The following NFIX variants were observed in gnomAD, a reference collection of about 807,000 sequenced individuals.
NFIX encodes the protein nuclear factor I X.
NFIX carries 2 observed loss-of-function variants against 53.3 expected under a neutral mutation model. The observed-to-expected ratio is 0.04, with a 90% CI of 0.02 to 0.12. NFIX has a LOEUF of 0.12. NFIX is among the 10% of genes least tolerant of loss of function. NFIX has a pLI of 1.00. For synonymous variants in NFIX, 244 were observed against 289.0 expected (o/e 0.84, Z 1.58); for missense variants, 310 against 674.5 (o/e 0.46, Z 5.99).
rs115503426 is a variant in NFIX, at chr19:13,023,028, C to T, written c.28-1993C>T. Reference sequence around the variant, plus strand: ...CCCTTGGACGCAGCCATTGGCTGCTCGTGGATGTCTCTTTGCCAAATAGGT... The same window carrying T: ...CCCTTGGACGCAGCCATTGGCTGCTTGTGGATGTCTCTTTGCCAAATAGGT... On this transcript the variant is annotated intron_variant, in intron 1 of 10. Transcript: ENST00000592199. Among the ~76,000 whole-genome samples, 454 of 150,142 alleles carry T rather than the reference C, an allele frequency of 3.0e-3. 1 individual carries two copies. The highest frequency in any genetic ancestry group is 0.011 in the African/African-American group (437 of 40,136).
intron 1 of NFIX, among the ~76,000 whole-genome samples, chr19:13,019,469 A>G (rs937219436): frequency 1.3e-5 from 2 of 151,420 alleles, no homozygotes; most frequent in African/African-American, 2.4e-5. Flanking sequence ...CTGTCTTCTT[A>G]TTTTTCTTCC....
chr19:13,091,981 A>G (rs2018170409), intron 10 of NFIX, among the ~76,000 whole-genome samples: 1 of 152,098 alleles, frequency 6.6e-6, no homozygotes, highest in Non-Finnish European at 1.5e-5. Flanking sequence ...AGGCTCCAGG[A>G]GGTAGGAGGA....
intron 6 of NFIX, among the ~76,000 whole-genome samples, chr19:13,077,793 C>A (rs2017200082): frequency 6.6e-6 from 1 of 152,176 alleles, no homozygotes; most frequent in South Asian, 2.1e-4. Flanking sequence ...CCTGGGGGCC[C>A]TGCTTTGTCA....
chr19:13,004,241 C>T (rs138172440), intron 1 of NFIX, among the ~76,000 whole-genome samples: 1 of 152,052 alleles, frequency 6.6e-6, no homozygotes, highest in Non-Finnish European at 1.5e-5. Context: ...CATGCATCCC[C>T]AGATACACAG....
chr19:13,064,674 A>G (rs191795681), intron 2 of NFIX, among the ~76,000 whole-genome samples: 2 of 152,314 alleles, frequency 1.3e-5, no homozygotes, highest in African/African-American at 4.8e-5. Context: ...TCAAGACACC[A>G]AAAACTGCAA....
At chr19:13,075,471 T>A (rs2145441962) in intron 5 of NFIX, 64 bp from the exon 6 acceptor site, 2 of 1,579,472 alleles carry the variant, frequency 1.3e-6, no homozygotes, top group Non-Finnish European at 1.7e-6. Context: ...TAGCCTGGAC[T>A]CTTGGTCACT....
intron 1 of NFIX, among the ~76,000 whole-genome samples, chr19:13,008,951 G>A (rs1005667692): frequency 2.6e-5 from 4 of 152,220 alleles, no homozygotes; most frequent in African/African-American, 9.6e-5. Context: ...GTTCCAGAGA[G>A]CCTCCCCATC....
chr19:13,081,573 C>T lies in NFIX; in HGVS notation c.1079-107C>T, dbSNP rs2017467440. The T allele has an allele frequency of 5.9e-6, 7 of 1,195,840 alleles. 1 individual carries two copies. In the South Asian group the frequency reaches 7.7e-5, roughly 13 times the overall value. The allele number at this position is 1,195,840 out of a possible 1,614,324, so 74.1% of individuals were successfully genotyped here. A position where few individuals can be genotyped will look rare whatever the true frequency, so the allele number is the denominator to read the frequency against. ...GCCTGTGGCGGCTGCCTTACCTGCTCAGGATCCTCAGGACCCTCTGACCGG... is the reference window on the plus strand; with the variant it reads ...GCCTGTGGCGGCTGCCTTACCTGCTTAGGATCCTCAGGACCCTCTGACCGG... On this transcript the variant is annotated intron_variant, in intron 7 of 10. Transcript: ENST00000592199. This position sits in a 1 kb window ranked among gnomAD's most constrained non-coding sequence, Gnocchi z 4.7.
chr19:13,022,802 C>T lies in NFIX; in HGVS notation c.28-2219C>T, dbSNP rs2013015695. ...TTTCGAGTCTTCCACAATCCCAGTC[C>T]CCCCCAATGCCCCACCCCACCCCCA... On this transcript the variant is annotated intron_variant, in intron 1 of 10. Coordinates refer to ENST00000592199, the MANE Select transcript of NFIX (RefSeq NM_001365902.3). This position sits in a 1 kb window ranked among gnomAD's most constrained non-coding sequence, Gnocchi z 4.5. 6.6e-6 allele frequency among the ~76,000 whole-genome samples: 1 copy of T among 152,020 alleles called. No homozygotes were observed. Among genetic ancestry groups the T allele is most frequent in the East Asian group, 1.9e-4 (1 of 5,182 alleles).
intron 2 of NFIX, among the ~76,000 whole-genome samples, chr19:13,057,465 C>A (rs566953744): frequency 2.0e-5 from 3 of 152,216 alleles, no homozygotes; most frequent in Non-Finnish European, 4.4e-5. Flanking sequence ...AGGAGCCCTA[C>A]GAGCTGCAGA....
chr19:13,076,009 T>G (rs139373304), intron 6 of NFIX, among the ~76,000 whole-genome samples: 1 of 152,252 alleles, frequency 6.6e-6, no homozygotes, highest in East Asian at 1.9e-4. Context: ...GCCTCATGGT[T>G]GAAAGCAGTT....
Position 13,022,416 on chromosome 19 carries a change from A to G in NFIX, c.28-2605A>G, listed in dbSNP as rs2012989568. Reference sequence around the variant, plus strand: ...CTGAGAGTGCTCCTTCAGCAGCCAGACCTGGGGGCATCACAAGGTGGCAGT... The same window carrying G: ...CTGAGAGTGCTCCTTCAGCAGCCAGGCCTGGGGGCATCACAAGGTGGCAGT... On this transcript the variant is annotated intron_variant, in intron 1 of 10. Coordinates refer to ENST00000592199, the MANE Select transcript of NFIX (RefSeq NM_001365902.3). This position sits in a 1 kb window ranked among gnomAD's most constrained non-coding sequence, Gnocchi z 4.5. Among the ~76,000 whole-genome samples the G allele has an allele frequency of 6.6e-6, 1 of 151,956 alleles. No individual in the cohort carries two copies. Among genetic ancestry groups the G allele is most frequent in the African/African-American group, 2.4e-5 (1 of 41,362 alleles).
In NFIX at chr19:13,025,215, G is replaced by C. The variant is rs541802079; in HGVS notation, c.222G>C (p.Arg74=). 1.9e-5 allele frequency: 30 copies of C among 1,614,208 alleles called. No homozygotes were observed. In the East Asian group the frequency reaches 6.7e-4, roughly 36 times the overall value. The change falls in exon 2 of 11, where the codon CGG becomes CGC. Residue 74 remains arginine, a synonymous_variant. Coordinates refer to ENST00000592199, the MANE Select transcript of NFIX (RefSeq NM_001365902.3). This position sits in a 1 kb window ranked among gnomAD's most constrained non-coding sequence, Gnocchi z 7.5. ...AGATCAAGCAGAAGTGGGCATCCCG[G>C]CTGCTGGCCAAGCTGCGCAAGGACA... is the stretch of plus-strand genomic sequence containing the variant. ...KPEIKQKWAS[R]LLAKLRKDIR...
rs181364769 is a variant in NFIX, at chr19:13,023,060, T to G, written c.28-1961T>G. 7.2e-5 allele frequency among the ~76,000 whole-genome samples: 3 copies of G among 41,488 alleles called. No individual in the cohort carries two copies. The East Asian group carries it at 2.2e-3, about 31-fold the overall frequency. 27.2% of individuals were successfully genotyped at this position (41,488 alleles called of 152,430 possible). On this transcript the variant is annotated intron_variant, in intron 1 of 10. Transcript: ENST00000592199. ...GTCTCTTTGCCAAATAGGTGGATCC[T>G]TCTCTCTCTTTCTCTCTCTCTCTCT...
chr19:13,024,509 A>T, intron 1 of NFIX: 1 of 1,510,238 alleles, frequency 6.6e-7, no homozygotes. Flanking sequence ...GGGGGCGGCC[A>T]AAAATCGACC....
At chr19:13,057,304 G>C (rs1397901223) in intron 2 of NFIX, among the ~76,000 whole-genome samples, 3 of 152,248 alleles carry the variant, frequency 2.0e-5, no homozygotes, top group Admixed American at 6.5e-5. Flanking sequence ...CTTGGAGGGA[G>C]GGAAGCAGGC....
At chr19:13,007,960 G>T (rs2012119979) in intron 1 of NFIX, among the ~76,000 whole-genome samples, 1 of 152,146 alleles carries the variant, frequency 6.6e-6, no homozygotes, top group African/African-American at 2.4e-5. Context: ...ACATAGGCCT[G>T]TGCCTACAGA....
chr19:13,030,474 G>A (rs1005434734), intron 2 of NFIX, among the ~76,000 whole-genome samples: 2 of 152,118 alleles, frequency 1.3e-5, no homozygotes, highest in East Asian at 3.8e-4. Flanking sequence ...TTTCTCTTAA[G>A]GGATGACCCA....
rs1168757844 is a variant in NFIX, at chr19:13,078,130, C to T, written c.956-483C>T. On this transcript the variant is annotated intron_variant, in intron 6 of 10. Coordinates refer to ENST00000592199, the MANE Select transcript of NFIX (RefSeq NM_001365902.3). The surrounding 1 kb of genome is among the most constrained non-coding windows in gnomAD (Gnocchi z 4.7). ...ATGGCTGTGTGCTCCCTTCCCTAAA[C>T]GGGGCCCTGGCTTCTTCCCACCAGA... is the stretch of plus-strand genomic sequence containing the variant. Among the ~76,000 whole-genome samples the T allele has an allele frequency of 2.6e-5, 4 of 152,174 alleles. No individual in the cohort carries two copies. Among genetic ancestry groups the T allele is most frequent in the Non-Finnish European group, 4.4e-5 (3 of 68,026 alleles).
Sources: allele counts gnomAD v4.1 joint callset (sites outside exome capture counted in the v4.1 genomes callset), GRCh38; gene constraint gnomAD v4.1.1; non-coding constraint Gnocchi (gnomAD v3.1); transcripts MANE v1.5; gene names NCBI Gene and HGNC (gene_info 2026-07-23, HGNC 2026-07-21).